Variants in ATP9B observed in about 807,000 individuals in gnomAD.
The protein encoded by ATP9B is probable phospholipid-transporting ATPase IIB.
A neutral mutation model predicts 146.1 loss-of-function variants in ATP9B; 110 were observed. The observed-to-expected ratio is 0.75, with a 90% CI of 0.65 to 0.88. The LOEUF (loss-of-function observed/expected upper bound fraction) is 0.88, where lower values mean the gene tolerates loss of function less well. Among genes scored for constraint, ATP9B ranks in the 40% least tolerant of loss-of-function variants. The pLI, the probability that ATP9B is intolerant of heterozygous loss-of-function variation, is 0.00. For missense variants in ATP9B, 1,499 were observed against 1,496.4 expected, an observed-to-expected ratio of 1.00 and a Z score of -0.03; for synonymous variants, 604 against 569.7, an observed-to-expected ratio of 1.06 and a Z score of -0.86.
At chr18:79,126,419 A>G (rs778777924) in intron 5 of ATP9B, 44 bp downstream of exon 5, 2 of 1,338,442 alleles carry the variant, frequency 1.5e-6, no homozygotes, top group South Asian at 1.3e-5. Context: ...GCTTACTGTA[A>G]TTATCATTTT....
chr18:79,348,253 AAAAAAAAAAAAAAAAAC>A, intron 25 of ATP9B, 57 bp downstream of exon 25: 1 of 555,930 alleles, frequency 1.8e-6, no homozygotes, highest in Non-Finnish European at 2.6e-6. Context: ...ATTTTGAAAA[AAAAAAAAAAAAAAAAAC>A]AAAAAACGTA....
chr18:79,070,340 A>G (rs918739324), intron 1 of ATP9B, among the ~76,000 whole-genome samples: 4 of 150,390 alleles, frequency 2.7e-5, no homozygotes, highest in African/African-American at 1.0e-4. Flanking sequence ...AGAGACTAAC[A>G]TATAGCTCAA....
chr18:79,308,242 A>G (rs772978251), intron 15 of ATP9B, among the ~76,000 whole-genome samples: 3 of 152,174 alleles, frequency 2.0e-5, no homozygotes, highest in Non-Finnish European at 4.4e-5. Flanking sequence ...TGGGATTGGA[A>G]CAGGGTGCAG....
chr18:79,260,345 G>A (rs1255541721), intron 12 of ATP9B, among the ~76,000 whole-genome samples: 1 of 152,118 alleles, frequency 6.6e-6, no homozygotes, highest in East Asian at 1.9e-4. Context: ...TCATTATCAC[G>A]AGAACAGCAT....
chr18:79,361,706 A>G (rs2096989821), intron 26 of ATP9B: 1 of 900,582 alleles, frequency 1.1e-6, no homozygotes, highest in Non-Finnish European at 1.3e-6. Flanking sequence ...AAGCTAAAGA[A>G]CTATTTTGAA....
intron 5 of ATP9B, among the ~76,000 whole-genome samples, chr18:79,129,058 G>A (rs937063781): frequency 6.6e-6 from 1 of 152,156 alleles, no homozygotes; most frequent in Non-Finnish European, 1.5e-5. Context: ...ACTGCTTGGA[G>A]GGTTGACCCT....
Position 79,164,296 on chromosome 18 carries a change from T to G in ATP9B, c.778+9741T>G, listed in dbSNP as rs1030570703. Among the ~76,000 whole-genome samples the G allele has an allele frequency of 2.0e-5, 3 of 152,314 alleles. No individual in the cohort carries two copies. The East Asian group carries it at 5.8e-4, about 29-fold the overall frequency. ...TACTTTAATTGATAACGCCAATAAC[T>G]GGAGAATCTTTTCATGGCTCTTGAT... On this transcript the variant is annotated intron_variant, in intron 7 of 29. Coordinates refer to ENST00000426216, the MANE Select transcript of ATP9B (RefSeq NM_198531.5).
chr18:79,168,603 A>G (rs1316600465), intron 7 of ATP9B, among the ~76,000 whole-genome samples: 2 of 152,142 alleles, frequency 1.3e-5, no homozygotes, highest in African/African-American at 4.8e-5. Context: ...AGGACATCAG[A>G]TATTGCAGAT....
At chr18:79,119,109 T>A (rs1568215436) in intron 4 of ATP9B, among the ~76,000 whole-genome samples, 1 of 115,370 alleles carries the variant, frequency 8.7e-6, no homozygotes, top group Non-Finnish European at 1.8e-5. Flanking sequence ...GGGTTAAAAC[T>A]GTTTTAACTT....
At chr18:79,110,836 TTTTG>T (rs1177876582) in intron 3 of ATP9B, among the ~76,000 whole-genome samples, 1 of 152,180 alleles carries the variant, frequency 6.6e-6, no homozygotes, top group African/African-American at 2.4e-5. Flanking sequence ...AAGTTATACG[TTTTG>T]TTTGTCTGGG....
chr18:79,376,355 C>A, intron 29 of ATP9B: 5 of 985,032 alleles, frequency 5.1e-6, no homozygotes, highest in Non-Finnish European at 6.0e-6. Context: ...TCCACCCATT[C>A]AGTGGTGTTT....
chr18:79,146,829 C>G (rs1263446844), intron 6 of ATP9B: 1 of 152,792 alleles, frequency 6.5e-6, no homozygotes, highest in Non-Finnish European at 1.5e-5. Context: ...AATTGGAAAC[C>G]CAGGAACACA....
intron 13 of ATP9B, among the ~76,000 whole-genome samples, chr18:79,279,653 A>G (rs550717268): frequency 3.9e-5 from 6 of 152,378 alleles, no homozygotes; most frequent in African/African-American, 9.6e-5. Flanking sequence ...CAAAAAGTAT[A>G]AAATCATTAA....
chr18:79,237,775 C>T (rs1009711354), intron 11 of ATP9B, among the ~76,000 whole-genome samples: 1 of 151,956 alleles, frequency 6.6e-6, no homozygotes. Context: ...CAGCCTCAAC[C>T]TCCTGGGCCA....
At chr18:79,350,705 GT>G (rs2096917894) in intron 25 of ATP9B, among the ~76,000 whole-genome samples, 2 of 151,642 alleles carry the variant, frequency 1.3e-5, no homozygotes, top group Non-Finnish European at 2.9e-5. Flanking sequence ...GGTACAATAA[GT>G]GCTAACGCTT....
At chr18:79,286,847 A>C (rs1051988988) in intron 13 of ATP9B, among the ~76,000 whole-genome samples, 3 of 152,190 alleles carry the variant, frequency 2.0e-5, no homozygotes, top group African/African-American at 7.2e-5. Flanking sequence ...GAATTTTATC[A>C]AATTCATTTC....
intron 11 of ATP9B, among the ~76,000 whole-genome samples, chr18:79,241,740 G>A (rs1255022077): frequency 6.6e-5 from 10 of 152,192 alleles, no homozygotes; most frequent in Admixed American, 5.9e-4. Context: ...GTGCTTTAAT[G>A]GTATTCTGAT....
intron 13 of ATP9B, among the ~76,000 whole-genome samples, chr18:79,301,398 A>G (rs1456783482): frequency 1.3e-5 from 2 of 152,188 alleles, no homozygotes; most frequent in Non-Finnish European, 2.9e-5. Flanking sequence ...TGGCTGAGGC[A>G]GGAGAATTGC....
At chr18:79,158,681 A>G (rs2094832495) in intron 7 of ATP9B, among the ~76,000 whole-genome samples, 1 of 152,188 alleles carries the variant, frequency 6.6e-6, no homozygotes, top group Admixed American at 6.5e-5. Flanking sequence ...ATTTCATTCC[A>G]TTGTAGTTGG....
Sources: gnomAD v4.1 joint callset for allele counts (sites outside exome capture counted in the v4.1 genomes callset) on GRCh38, gnomAD v4.1.1 for gene constraint, MANE v1.5 for transcripts, NCBI Gene and HGNC (gene_info 2026-07-23, HGNC 2026-07-21) for gene names.